The following SLC7A6 variants were observed in gnomAD, a reference collection of about 807,000 sequenced individuals.
SLC7A6 encodes the protein solute carrier family 7 member 6, also known as Y+L amino acid transporter 2.
SLC7A6 carries 29 observed loss-of-function variants against 46.6 expected under a neutral mutation model. The ratio of observed to expected loss-of-function variants is 0.62; its 90% CI spans 0.46 to 0.85. SLC7A6 has a LOEUF of 0.85. Among genes scored for constraint, SLC7A6 ranks in the 40% least tolerant of loss-of-function variants. The pLI, the probability that SLC7A6 is intolerant of heterozygous loss-of-function variation, is 0.00. For missense variants in SLC7A6, 527 were observed against 647.6 expected (o/e 0.81, Z 2.02); for synonymous variants, 276 against 257.3 (o/e 1.07, Z -0.70).
rs148991316 is a variant in SLC7A6, at chr16:68,295,269, G to C, written c.1119+468G>C. Among the ~76,000 whole-genome samples, 91 of 152,098 alleles carry C rather than the reference G, an allele frequency of 6.0e-4. No homozygotes were observed. The East Asian group carries it at 0.015, about 25-fold the overall frequency. ...ATCTGAAAACTAAAGAGGGACCAAG[G>C]GTACTTCTTTAGTCCCCCCGCCCTT... On this transcript the variant is annotated intron_variant, in intron 8 of 10. Transcript: ENST00000219343.
In SLC7A6 at chr16:68,300,631, A is replaced by G. The variant is rs2043253614; in HGVS notation, c.*3303A>G. On this transcript the variant is annotated 3_prime_UTR_variant, in exon 11 of 11. Coordinates refer to ENST00000219343, the MANE Select transcript of SLC7A6 (RefSeq NM_003983.6). ...ATTACTTTCTTCCATGTTCAAAGCT[A>G]GATTTTACTAAACACATGTATCACA... is the stretch of plus-strand genomic sequence containing the variant. The G allele has an allele frequency of 4.1e-6, 4 of 985,350 alleles. No individual in the cohort carries two copies. Among genetic ancestry groups the G allele is most frequent in the Middle Eastern group, 5.2e-4 (1 of 1,936 alleles). The allele number at this position is 985,350 out of a possible 1,614,324, so 61.0% of individuals were successfully genotyped here.
At chr16:68,297,072 C>G (rs964512980) in intron 10 of SLC7A6, among the ~76,000 whole-genome samples, 162 bp from the exon 11 acceptor site, 1 of 152,170 alleles carries the variant, frequency 6.6e-6, no homozygotes, top group Non-Finnish European at 1.5e-5. Flanking sequence ...GGGCATGGGA[C>G]AGAGGATGAT....
At chr16:68,285,013 GGT>G (rs1280922694) in intron 3 of SLC7A6, among the ~76,000 whole-genome samples, 4 of 151,838 alleles carry the variant, frequency 2.6e-5, no homozygotes, top group Admixed American at 1.3e-4. Context: ...TGGGACTCCA[GGT>G]GTGCACCGCT....
intron 3 of SLC7A6, among the ~76,000 whole-genome samples, chr16:68,283,409 A>G (rs989223955): frequency 6.6e-6 from 1 of 152,222 alleles, no homozygotes; most frequent in Non-Finnish European, 1.5e-5. Context: ...CAAGAAGGAC[A>G]AAGACACTGC....
intron 3 of SLC7A6, among the ~76,000 whole-genome samples, chr16:68,278,456 T>G (rs1439805329): frequency 6.6e-6 from 1 of 151,518 alleles, no homozygotes; most frequent in Non-Finnish European, 1.5e-5. Context: ...TGCGGCCTTT[T>G]TTTTTTTTTG....
intron 3 of SLC7A6, among the ~76,000 whole-genome samples, chr16:68,280,715 G>A (rs1207388345): frequency 1.3e-5 from 2 of 151,766 alleles, no homozygotes; most frequent in Non-Finnish European, 2.9e-5. Context: ...TTACAGGCAT[G>A]AGCCTCTGTG....
At chr16:68,294,916 A>G in intron 8 of SLC7A6, 115 bp downstream of exon 8, 1 of 668,650 alleles carries the variant, frequency 1.5e-6, no homozygotes, top group African/African-American at 1.8e-5. Flanking sequence ...AAGATGTGAA[A>G]AACAGTTCAT....
rs2043279184 is a variant in SLC7A6, at chr16:68,301,672, TTTG to T, written c.*4352_*4354del. On this transcript the variant is annotated 3_prime_UTR_variant, in exon 11 of 11. Transcript: ENST00000219343. ...CACTTCTCCCCTCCGTATAGGATTT[TTTG>T]TTGTTGTAAGAGTTGTAGTCATATT... is the stretch of plus-strand genomic sequence containing the variant. 4 of 273,162 alleles carry T rather than the reference TTTG, an allele frequency of 1.5e-5. No homozygotes were observed. The Admixed American group carries it at 1.5e-4, about 10-fold the overall frequency. The allele number at this position is 273,162 out of a possible 1,614,324, so 16.9% of individuals were successfully genotyped here.
chr16:68,267,203 T>G (rs1596962401), intron 2 of SLC7A6, among the ~76,000 whole-genome samples: 8 of 130,160 alleles, frequency 6.1e-5, no homozygotes, highest in African/African-American at 1.5e-4. Flanking sequence ...CCAATTGTGG[T>G]GGATTTTTTT....
intron 3 of SLC7A6, among the ~76,000 whole-genome samples, chr16:68,280,602 TTC>T (rs2042812251): frequency 6.6e-6 from 1 of 151,830 alleles, no homozygotes; most frequent in Non-Finnish European, 1.5e-5. Context: ...AAAAAAAAAT[TTC>T]TTTTTTGTTT....
At chr16:68,269,367 C>T (rs1025223529) in intron 2 of SLC7A6, among the ~76,000 whole-genome samples, 1 of 152,054 alleles carries the variant, frequency 6.6e-6, no homozygotes, top group African/African-American at 2.4e-5. Flanking sequence ...ACAGTAGAGA[C>T]TGAGGTATAT....
At chr16:68,267,485 G>A (rs1596962946) in intron 2 of SLC7A6, among the ~76,000 whole-genome samples, 4 of 152,282 alleles carry the variant, frequency 2.6e-5, no homozygotes, top group Admixed American at 2.6e-4. Flanking sequence ...AAAATGCTGG[G>A]ATTACAGGTG....
At chr16:68,273,817 G>C (rs1287052175) in intron 2 of SLC7A6, 1 of 149,270 alleles carries the variant, frequency 6.7e-6, no homozygotes, top group East Asian at 2.0e-4. Context: ...TCTGTTGCCA[G>C]GCAGTGGCGT....
At chr16:68,272,439 A>G (rs2042637914) in intron 2 of SLC7A6, among the ~76,000 whole-genome samples, 1 of 152,022 alleles carries the variant, frequency 6.6e-6, no homozygotes, top group African/African-American at 2.4e-5. Flanking sequence ...TTGAATAAAA[A>G]AGAGAGAGAG....
intron 7 of SLC7A6, chr16:68,292,784 A>G (rs1469239926): frequency 1.3e-5 from 2 of 152,182 alleles, no homozygotes; most frequent in Non-Finnish European, 2.9e-5. Flanking sequence ...TCTCTTTCTT[A>G]GCCTGTCTTT....
At chr16:68,276,933 T>C (rs1158306703) in intron 3 of SLC7A6, among the ~76,000 whole-genome samples, 1 of 151,498 alleles carries the variant, frequency 6.6e-6, no homozygotes, top group East Asian at 1.9e-4. Flanking sequence ...AAGTCGAGGC[T>C]GCAGTGAGCT....
intron 3 of SLC7A6, among the ~76,000 whole-genome samples, chr16:68,280,939 T>G (rs568129356): frequency 6.6e-6 from 1 of 152,308 alleles, no homozygotes; most frequent in South Asian, 2.1e-4. Context: ...TTCACCATGT[T>G]AGCCAGGATG....
chr16:68,274,683 T>C lies in SLC7A6; in HGVS notation c.-36-8T>C. 1 of 1,607,542 alleles carries C rather than the reference T, an allele frequency of 6.2e-7. No individual in the cohort carries two copies. Among genetic ancestry groups the C allele is most frequent in the Non-Finnish European group, 8.5e-7 (1 of 1,175,528 alleles). On this transcript the variant is annotated splice_polypyrimidine_tract_variant and splice_region_variant and intron_variant, in intron 2 of 10. Transcript: ENST00000219343. ...GCCCTAGACTGACATACTTGTATTC[T>C]TTGCCAGGCCACAGCAAACACAGGT...
chr16:68,293,801 A>T (rs1444062705), intron 7 of SLC7A6, among the ~76,000 whole-genome samples: 1 of 152,232 alleles, frequency 6.6e-6, no homozygotes, highest in South Asian at 2.1e-4. Context: ...CTCCTCTTGC[A>T]AAGCATTTTG....
Sources: allele counts gnomAD v4.1 joint callset (sites outside exome capture counted in the v4.1 genomes callset), GRCh38; gene constraint gnomAD v4.1.1; transcripts MANE v1.5; gene names NCBI Gene and HGNC (gene_info 2026-07-23, HGNC 2026-07-21).